Variants in PEX1 observed in about 807,000 individuals in gnomAD.
PEX1 encodes the protein peroxisomal biogenesis factor 1.
PEX1 carries 97 observed loss-of-function variants against 152.5 expected under a neutral mutation model. That is an observed-to-expected ratio of 0.64 (90% CI 0.54 to 0.75). The LOEUF (loss-of-function observed/expected upper bound fraction) is 0.75. Among genes scored for constraint, PEX1 ranks in the 30% least tolerant of loss-of-function variants. The pLI is 0.00. For missense variants in PEX1, 1,357 were observed against 1,516.3 expected (o/e 0.89, Z 1.74); for synonymous variants, 485 against 531.6 (o/e 0.91, Z 1.21).
intron 9 of PEX1, among the ~76,000 whole-genome samples, 156 bp downstream of exon 9, chr7:92,509,173 C>T (rs372659241): frequency 4.6e-5 from 7 of 150,876 alleles, no homozygotes; most frequent in Non-Finnish European, 8.9e-5. Flanking sequence ...ATAAGCTAGG[C>T]GTGAAGATAG....
intron 6 of PEX1, among the ~76,000 whole-genome samples, chr7:92,512,209 A>G (rs1792506069): frequency 6.6e-6 from 1 of 152,180 alleles, no homozygotes; most frequent in African/African-American, 2.4e-5. Context: ...TTTGGTAGAC[A>G]TGGGGTTTCA....
Position 92,518,031 on chromosome 7 carries a change from G to A in PEX1, c.484C>T (p.Pro162Ser), listed in dbSNP as rs2116247732. ...YIFIQIVALI[P>S]AASYGRLETD... ...TCCAGCCTTCCATAAGAGGCAGCTG[G>A]TATTAGTGCAACTGTGTAGAAAATA... The change falls in exon 5 of 24, where the codon CCA becomes TCA. Residue 162 changes from proline (P) to serine (S), a missense_variant. By Grantham distance (74) the Pro-to-Ser change is moderately conservative (BLOSUM62 -1). Coordinates refer to ENST00000248633, the MANE Select transcript of PEX1 (RefSeq NM_000466.3). The A allele has an allele frequency of 6.2e-7, 1 of 1,614,070 alleles. No homozygotes were observed.
In PEX1 at chr7:92,528,477, C is replaced by A; in HGVS notation, c.-42G>T. ...TCTGGGTTCGCCCACCCTAGCGCCG[C>A]AAAGGACCCGGGACCCGGCAGGCCG... On this transcript the variant is annotated 5_prime_UTR_variant, in exon 1 of 24. Coordinates refer to ENST00000248633, the MANE Select transcript of PEX1 (RefSeq NM_000466.3). 1 of 1,536,944 alleles carries A rather than the reference C, an allele frequency of 6.5e-7. No homozygotes were observed. Among genetic ancestry groups the A allele is most frequent in the Non-Finnish European group, 8.8e-7 (1 of 1,142,462 alleles).
chr7:92,490,495 C>T (rs1791236433), intron 21 of PEX1, among the ~76,000 whole-genome samples: 1 of 151,782 alleles, frequency 6.6e-6, no homozygotes, highest in Non-Finnish European at 1.5e-5. Flanking sequence ...ATTAGCTGGG[C>T]ATGGTGGCAT....
rs1234279524 is a variant in PEX1 at position 92,507,141 on chromosome 7, CAT to C, written c.1671-17_1671-16del. 2 of 1,610,934 alleles carry C rather than the reference CAT, an allele frequency of 1.2e-6. No individual in the cohort carries two copies. Among genetic ancestry groups the C allele is most frequent in the African/African-American group, 1.3e-5 (1 of 74,914 alleles). On this transcript the variant is annotated splice_polypyrimidine_tract_variant and intron_variant, in intron 9 of 23. Coordinates refer to ENST00000248633, the MANE Select transcript of PEX1 (RefSeq NM_000466.3). ...AATTCACTCCTCTGTAAAAAATATA[CAT>C]AGTTACATGATAAAAGACTGAAGCA...
At chr7:92,512,707 C>A (rs1008456908) in intron 6 of PEX1, among the ~76,000 whole-genome samples, 2 of 152,182 alleles carry the variant, frequency 1.3e-5, no homozygotes, top group African/African-American at 4.8e-5. Context: ...CCAGGCTGGT[C>A]TCCAACTCCT....
chr7:92,502,420 A>T (rs894163929), intron 13 of PEX1, among the ~76,000 whole-genome samples: 4 of 152,198 alleles, frequency 2.6e-5, no homozygotes, highest in Admixed American at 2.6e-4. Flanking sequence ...TCTTTCTCCA[A>T]TAAGAAGCAT....
At chr7:92,489,657 G>T in intron 22 of PEX1, 57 bp downstream of exon 22, 1 of 1,473,088 alleles carries the variant, frequency 6.8e-7, no homozygotes, top group Non-Finnish European at 9.5e-7. Flanking sequence ...TATATCAAAA[G>T]GGTGAAACAA....
intron 2 of PEX1, among the ~76,000 whole-genome samples, chr7:92,520,751 A>G (rs922970295): frequency 1.3e-5 from 2 of 152,182 alleles, no homozygotes; most frequent in Non-Finnish European, 2.9e-5. Context: ...GCACACAGAG[A>G]GAGAGAGAAA....
intron 23 of PEX1, among the ~76,000 whole-genome samples, chr7:92,488,606 T>C (rs1791070891): frequency 6.6e-6 from 1 of 152,188 alleles, no homozygotes; most frequent in African/African-American, 2.4e-5. Context: ...TTGAGGTCAA[T>C]AAAATATTAA....
chr7:92,487,168 CAAAAG>C lies in PEX1; in HGVS notation c.*284_*288del. 4.9e-6 allele frequency: 1 copy of C among 202,138 alleles called. No individual in the cohort carries two copies. Among genetic ancestry groups the C allele is most frequent in the Non-Finnish European group, 9.9e-6 (1 of 101,280 alleles). The allele number at this position is 202,138 out of a possible 1,614,324, so 12.5% of individuals were successfully genotyped here. A position where few individuals can be genotyped will look rare whatever the true frequency, so the allele number is the denominator to read the frequency against. The stretch of plus-strand genomic sequence containing the variant: ...ATTACATTCTTTATTATCTTTTCCT[CAAAAG>C]AAATAAATTAGTTCCACCATTTGGC... On this transcript the variant is annotated 3_prime_UTR_variant, in exon 24 of 24. Transcript: ENST00000248633.
chr7:92,502,899 C>A (rs1341132129), intron 13 of PEX1, 142 bp downstream of exon 13: 1 of 735,030 alleles, frequency 1.4e-6, no homozygotes, highest in African/African-American at 1.8e-5. Flanking sequence ...GCCTCTAGCA[C>A]AATATGCACC....
At chr7:92,506,105 A>AAAGACTTAAAAGTTCT in intron 11 of PEX1, 143 bp downstream of exon 11, 1 of 503,336 alleles carries the variant, frequency 2.0e-6, no homozygotes. Flanking sequence ...TTAGAAAGCC[A>AAAGACTTAAAAGTTCT]AAGAAATTTT....
chr7:92,500,037 T>G (rs140882075), intron 15 of PEX1, among the ~76,000 whole-genome samples, 199 bp from the exon 16 acceptor site: 4 of 152,244 alleles, frequency 2.6e-5, no homozygotes, highest in African/African-American at 9.6e-5. Flanking sequence ...TACGACAAAT[T>G]TTTTCCAATT....
rs779477506 is a variant in PEX1 at position 92,501,633 on chromosome 7, G to A, written c.2457C>T (p.Arg819=). 5.5e-5 allele frequency: 89 copies of A among 1,613,812 alleles called. 3 individuals carry two copies. The South Asian group carries it at 7.8e-4, about 14-fold the overall frequency. ...TTCGCAAAGACGCAGGAAGAAATCCGCGGAGAGCCTTTTGGAAGTCCAATG... is the reference window on the plus strand; with the variant it reads ...TTCGCAAAGACGCAGGAAGAAATCCACGGAGAGCCTTTTGGAAGTCCAATG... ...LTTLDFQKAL[R]GFLPASLRSV... is the part of the protein sequence containing the mutation. The change falls in exon 15 of 24, where the codon CGC becomes CGT. Residue 819 remains arginine, a synonymous_variant. Transcript: ENST00000248633.
chr7:92,502,261 A>G (rs1253538139), intron 13 of PEX1, among the ~76,000 whole-genome samples, 182 bp from the exon 14 acceptor site: 3 of 152,130 alleles, frequency 2.0e-5, no homozygotes, highest in Non-Finnish European at 4.4e-5. Context: ...GGAGTGATGA[A>G]AATGTTTGTT....
At chr7:92,518,898 CT>C (rs1792927675) in intron 3 of PEX1, 96 bp downstream of exon 3, 3 of 940,992 alleles carry the variant, frequency 3.2e-6, no homozygotes, top group Non-Finnish European at 5.1e-6. Context: ...TCAAAACCAA[CT>C]CAGAATATAT....
At position 92,493,020 on chromosome 7, in the gene PEX1, A is replaced by G; in HGVS notation, c.3140T>C (p.Leu1047Pro). Residue 1047 changes from leucine to proline, a missense_variant, in exon 20 of 24, where the codon CTG (leucine) becomes CCG (proline). Leu to Pro is a moderately conservative substitution (Grantham distance 98). Coordinates refer to ENST00000248633, the MANE Select transcript of PEX1 (RefSeq NM_000466.3). ...SVTDSFTGAD[L>P]KALLYNAQLE... is the part of the protein sequence containing the mutation. ...TTGGGCATTGTAAAGTAAAGCTTTC[A>G]GATCAGCTCCAGTAAAGGAGTCAGT... 1.9e-6 allele frequency: 3 copies of G among 1,613,660 alleles called. No individual in the cohort carries two copies. The highest frequency in any genetic ancestry group is 2.5e-6 in the Non-Finnish European group (3 of 1,179,570).
intron 7 of PEX1, 144 bp downstream of exon 7, chr7:92,511,436 T>C: frequency 2.7e-6 from 2 of 747,572 alleles, no homozygotes; most frequent in Non-Finnish European, 4.3e-6. Context: ...AAGATATTTT[T>C]CAATACATAA....
Sources: gnomAD v4.1 joint callset for allele counts (sites outside exome capture counted in the v4.1 genomes callset) on GRCh38, gnomAD v4.1.1 for gene constraint, MANE v1.5 for transcripts, NCBI Gene and HGNC (gene_info 2026-07-23, HGNC 2026-07-21) for gene names.